IDUA: variants seen among roughly 807,000 people sequenced by gnomAD.
The protein encoded by IDUA is alpha-L-iduronidase.
IDUA carries 65 observed loss-of-function variants against 68.9 expected under a neutral mutation model. That is an observed-to-expected ratio of 0.94 (90% confidence interval 0.77 to 1.16). The LOEUF (loss-of-function observed/expected upper bound fraction) is 1.16. Among genes scored for constraint, IDUA ranks in the 50% most tolerant of loss-of-function variants. IDUA has a pLI of 0.00. For missense variants in IDUA, 1,046 were observed against 938.0 expected (o/e 1.12, Z -1.50); for synonymous variants, 529 against 433.6 (o/e 1.22, Z -2.73).
At chr4:993,996 C>T (rs571837430) in intron 2 of IDUA, among the ~76,000 whole-genome samples, 3 of 152,382 alleles carry the variant, frequency 2.0e-5, no homozygotes, top group Admixed American at 2.0e-4. Flanking sequence ...ACCCACAGCG[C>T]CTGGTCACCC....
At chr4:989,119 G>A (rs1713995663) in intron 2 of IDUA, 1 of 1,605,760 alleles carries the variant, frequency 6.2e-7, no homozygotes, top group South Asian at 1.1e-5. Flanking sequence ...GTGGAAGCCG[G>A]CCGCTGCGGG....
intron 2 of IDUA, chr4:989,521 ACC>A: frequency 1.9e-6 from 3 of 1,554,550 alleles, no homozygotes; most frequent in Non-Finnish European, 2.6e-6. Flanking sequence ...GCCTGCCCAG[ACC>A]AGCGCGTCAG....
intron 12 of IDUA, 149 bp downstream of exon 12, chr4:1,003,774 C>A: frequency 1.1e-6 from 1 of 903,320 alleles, no homozygotes; most frequent in Non-Finnish European, 1.8e-6. Context: ...TCACCCCACA[C>A]ACTGTGGGCC....
intron 2 of IDUA, chr4:992,584 C>G (rs957433007): frequency 3.9e-5 from 8 of 203,624 alleles, no homozygotes; most frequent in Admixed American, 2.3e-4. Context: ...AGTTCTGGGA[C>G]GTGAGGCGCC....
At chr4:989,718 G>C (rs1164266864) in intron 2 of IDUA, 1 of 1,558,714 alleles carries the variant, frequency 6.4e-7, no homozygotes, top group East Asian at 2.4e-5. Context: ...GGCAGCCAGT[G>C]GCTGTCTTCA....
intron 2 of IDUA, chr4:991,552 T>C (rs1282147406): frequency 1.2e-6 from 2 of 1,605,366 alleles, no homozygotes; most frequent in Non-Finnish European, 1.7e-6. Flanking sequence ...GAGCAGGTCC[T>C]GCACCAGCGC....
intron 2 of IDUA, among the ~76,000 whole-genome samples, chr4:999,151 G>A (rs1714928865): frequency 1.3e-5 from 2 of 151,350 alleles, no homozygotes; most frequent in South Asian, 4.2e-4. Flanking sequence ...CTTGCAGTGA[G>A]CCGAGATCGC....
Position 1,003,549 on chromosome 4 carries a change from G to A in IDUA, c.1651G>A (p.Val551Ile), listed in dbSNP as rs778877259. Residue 551 changes from valine (V) to isoleucine (I), a missense_variant and splice_region_variant, in exon 12 of 14, where the codon GTC becomes ATC. Transcript: ENST00000514224. ...CARPEKPPGQ[V>I]TRLRALPLTQ... ...CCATCACAGCCCTTCCCTCCCCCAGGTCACGCGGCTCCGCGCCCTGCCCCT... is the reference window on the plus strand; with the variant it reads ...CCATCACAGCCCTTCCCTCCCCCAGATCACGCGGCTCCGCGCCCTGCCCCT... 1 of 1,611,638 alleles carries A rather than the reference G, an allele frequency of 6.2e-7. No homozygotes were observed. The highest frequency in any genetic ancestry group is 2.2e-5 in the East Asian group (1 of 44,856).
rs764978474 is a variant in IDUA, at chr4:990,344, G to C, written c.299+2395G>C. The C allele has an allele frequency of 3.1e-6, 5 of 1,601,526 alleles. No individual in the cohort carries two copies. The highest frequency in any genetic ancestry group is 4.3e-6 in the Non-Finnish European group (5 of 1,175,412). ...AGGTAGGCGGACACGAAGCCCAGCCGGAGGACGCCCATGAGGACCTGTGGA... is the reference window on the plus strand; with the variant it reads ...AGGTAGGCGGACACGAAGCCCAGCCCGAGGACGCCCATGAGGACCTGTGGA... On this transcript the variant is annotated intron_variant, in intron 2 of 13. Coordinates refer to ENST00000514224, the MANE Select transcript of IDUA (RefSeq NM_000203.5).
rs1009855015 is a variant in IDUA at position 1,003,387 on chromosome 4, C to T, written c.1567C>T (p.Arg523Cys). 1.3e-6 allele frequency: 2 copies of T among 1,500,672 alleles called. No individual in the cohort carries two copies. Among genetic ancestry groups the T allele is most frequent in the South Asian group, 2.5e-5 (2 of 80,056 alleles). 93.0% of individuals were successfully genotyped at this position (1,500,672 alleles called of 1,614,324 possible). Residue 523 changes from arginine (R) to cysteine (C), a missense_variant, in exon 11 of 14, where the codon CGC (arginine) becomes TGC (cysteine). By Grantham distance (180) the Arg-to-Cys change is radical (BLOSUM62 -3). Coordinates refer to ENST00000514224, the MANE Select transcript of IDUA (RefSeq NM_000203.5). ...AAPRPLPAGGRLTLRPALRLP... is the reference protein window; with the variant it reads ...AAPRPLPAGGCLTLRPALRLP... ...GCCCCGCCCCTTACCCGCCGGCGGC[C>T]GCCTGACCCTGCGCCCCGCGCTGCG...
intron 12 of IDUA, 86 bp downstream of exon 12, chr4:1,003,711 C>T: frequency 1.4e-6 from 2 of 1,476,022 alleles, no homozygotes; most frequent in Admixed American, 3.5e-5. Context: ...GTCACTCGGG[C>T]CACTTGCCGT....
chr4:987,591 AGGGCTG>A, intron 1 of IDUA: 1 of 1,408,874 alleles, frequency 7.1e-7, no homozygotes, highest in Non-Finnish European at 9.3e-7. Context: ...GGCCAGGGCC[AGGGCTG>A]GCGTTGGCCC....
At chr4:987,600 G>C (rs531641237) in intron 1 of IDUA, 2 of 1,421,234 alleles carry the variant, frequency 1.4e-6, no homozygotes, top group Non-Finnish European at 1.8e-6. Flanking sequence ...CAGGGCTGGC[G>C]TTGGCCCCTC....
At position 1,002,749 on chromosome 4, in the gene IDUA, G is replaced by T; in HGVS notation, c.1207G>T (p.Ala403Ser). The T allele has an allele frequency of 1.3e-6, 2 of 1,487,178 alleles. No homozygotes were observed. Among genetic ancestry groups the T allele is most frequent in the East Asian group, 5.7e-5 (2 of 35,216 alleles). The allele number at this position is 1,487,178 out of a possible 1,614,324, so 92.1% of individuals were successfully genotyped here. A position where few individuals can be genotyped will look rare whatever the true frequency, so the allele number is the denominator to read the frequency against. Residue 403 changes from alanine to serine, a missense_variant, in exon 9 of 14, where the codon GCC becomes TCC. Coordinates refer to ENST00000514224, the MANE Select transcript of IDUA (RefSeq NM_000203.5). Reference protein sequence around the residue: ...LALLDEEQLWAEVSQAGTVLD... With the variant: ...LALLDEEQLWSEVSQAGTVLD... ...CCCCGCAGATGAGGAGCAGCTCTGG[G>T]CCGAAGTGTCGCAGGCCGGGACCGT... is the stretch of plus-strand genomic sequence containing the variant.
At chr4:1,000,804 C>T in intron 3 of IDUA, 78 bp from the exon 4 acceptor site, 1 of 1,501,674 alleles carries the variant, frequency 6.7e-7, no homozygotes, top group Non-Finnish European at 9.3e-7. Flanking sequence ...CAGGGCTGGC[C>T]TTGGTGCCGG....
chr4:1,000,774 T>C (rs1715024198), intron 3 of IDUA, 77 bp downstream of exon 3: 1 of 1,457,162 alleles, frequency 6.9e-7, no homozygotes. Flanking sequence ...CCAGCCCCTC[T>C]GAGTCCTTGG....
chr4:992,616 C>T (rs926503547), intron 2 of IDUA: 1 of 190,648 alleles, frequency 5.2e-6, no homozygotes. Context: ...GCTGCACCAG[C>T]TCACTGTGGA....
chr4:990,108 C>T lies in IDUA; in HGVS notation c.299+2159C>T, dbSNP rs138700015. ...GTCGGTAGCGGTCTGAGAGCTCCTT[C>T]GCGGCTAGCAGCACCGCCAGGCACA... On this transcript the variant is annotated intron_variant, in intron 2 of 13. Coordinates refer to ENST00000514224, the MANE Select transcript of IDUA (RefSeq NM_000203.5). The T allele has an allele frequency of 4.4e-5, 70 of 1,588,130 alleles. No homozygotes were observed. The highest frequency in any genetic ancestry group is 4.4e-4 in the East Asian group (19 of 43,560).
intron 2 of IDUA, chr4:989,962 C>G (rs147075631): frequency 1.3e-6 from 2 of 1,556,214 alleles, no homozygotes; most frequent in East Asian, 2.4e-5. Context: ...GGGCATGAAA[C>G]CCGTGGGGAT....
Sources: gnomAD v4.1 joint callset for allele counts (sites outside exome capture counted in the v4.1 genomes callset) on GRCh38, gnomAD v4.1.1 for gene constraint, MANE v1.5 for transcripts, NCBI Gene and HGNC (gene_info 2026-07-23, HGNC 2026-07-21) for gene names.